The following PPT1 variants were observed in gnomAD, a reference collection of about 807,000 sequenced individuals.
PPT1 encodes the protein palmitoyl-protein thioesterase 1.
Under a neutral mutation model 44.0 loss-of-function variants are expected in PPT1, and 24 were observed. That is an observed-to-expected ratio of 0.54 (90% CI 0.39 to 0.77). The LOEUF is 0.77. Ranked by LOEUF, PPT1 falls within the 30% of genes least tolerant of loss-of-function variation. PPT1 has a pLI of 0.00. For missense variants in PPT1, 341 were observed against 378.8 expected (o/e 0.90, Z 0.83); for synonymous variants, 148 against 140.2 (o/e 1.06, Z -0.39).
In PPT1 at chr1:40,073,882, CAGA is replaced by C; in HGVS notation, c.*176_*178del. On this transcript the variant is annotated 3_prime_UTR_variant, in exon 9 of 9. Transcript: ENST00000642050. ...ACTTGCATTCAACACCATATGGTAACAGAAGATGGCAAAGGATAAGATTCAGAT... is the reference window on the plus strand; with the variant it reads ...ACTTGCATTCAACACCATATGGTAACAGATGGCAAAGGATAAGATTCAGAT... 1 of 853,658 alleles carries C rather than the reference CAGA, an allele frequency of 1.2e-6. No individual in the cohort carries two copies. Among genetic ancestry groups the C allele is most frequent in the Non-Finnish European group, 1.9e-6 (1 of 537,210 alleles). 52.9% of individuals were successfully genotyped at this position (853,658 alleles called of 1,614,324 possible). A position where few individuals can be genotyped will look rare whatever the true frequency, so the allele number is the denominator to read the frequency against.
chr1:40,075,709 A>G (rs1208162446), intron 8 of PPT1, among the ~76,000 whole-genome samples: 1 of 152,020 alleles, frequency 6.6e-6, no homozygotes, highest in Non-Finnish European at 1.5e-5. Context: ...CACACCTGTA[A>G]TCCCAGCACT....
intron 5 of PPT1, among the ~76,000 whole-genome samples, chr1:40,088,214 G>A (rs1649365559): frequency 6.6e-6 from 1 of 151,728 alleles, no homozygotes; most frequent in Non-Finnish European, 1.5e-5. Context: ...CGCAATCTCG[G>A]CTCACTGCAA....
intron 8 of PPT1, 154 bp downstream of exon 8, chr1:40,076,688 G>T: frequency 6.6e-7 from 1 of 1,512,296 alleles, no homozygotes; most frequent in Non-Finnish European, 8.9e-7. Flanking sequence ...AGCCTAACAA[G>T]CTTCACCCAT....
In PPT1 at chr1:40,092,441, C is replaced by T; in HGVS notation, c.191G>A (p.Gly64Glu). The change falls in exon 2 of 9, where the codon GGA becomes GAA. Residue 64 changes from glycine to glutamate, a missense_variant. Coordinates refer to ENST00000642050, the MANE Select transcript of PPT1 (RefSeq NM_000310.4). ...AATCTCTAAAGATAAGACGTAAATT[C>T]CAGGTATTTTCTTCTCCACCATTTT... ...IKKMVEKKIP[G>E]IYVLSLEIGK... 1.9e-6 allele frequency: 3 copies of T among 1,613,894 alleles called. No homozygotes were observed. The highest frequency in any genetic ancestry group is 1.1e-5 in the South Asian group (1 of 91,082).
At chr1:40,080,554 G>A (rs1648880166) in intron 5 of PPT1, 67 bp from the exon 6 acceptor site, 1 of 1,457,792 alleles carries the variant, frequency 6.9e-7, no homozygotes, top group African/African-American at 1.4e-5. Flanking sequence ...GGCATGCTCA[G>A]TGCAAAGGCC....
intron 5 of PPT1, among the ~76,000 whole-genome samples, chr1:40,085,881 G>T (rs1649231846): frequency 6.6e-6 from 1 of 152,178 alleles, no homozygotes; most frequent in African/African-American, 2.4e-5. Context: ...TCTGAGGTAT[G>T]CCTGTAGTTC....
At chr1:40,087,321 C>T (rs1403512499) in intron 5 of PPT1, among the ~76,000 whole-genome samples, 1 of 151,984 alleles carries the variant, frequency 6.6e-6, no homozygotes, top group Non-Finnish European at 1.5e-5. Context: ...CAGCTCACTG[C>T]AACCTCCGCC....
At chr1:40,080,989 C>A (rs1570457685) in intron 5 of PPT1, among the ~76,000 whole-genome samples, 1 of 152,326 alleles carries the variant, frequency 6.6e-6, no homozygotes, top group East Asian at 1.9e-4. Flanking sequence ...TTGAGACAGA[C>A]TGTTCAGCAT....
At chr1:40,087,912 C>T (rs1649348186) in intron 5 of PPT1, among the ~76,000 whole-genome samples, 1 of 152,128 alleles carries the variant, frequency 6.6e-6, no homozygotes, top group Non-Finnish European at 1.5e-5. Context: ...CCCAAAACAG[C>T]TTTGTGGCTA....
chr1:40,097,000 C>A, intron 1 of PPT1, 115 bp downstream of exon 1: 1 of 1,575,328 alleles, frequency 6.3e-7, no homozygotes, highest in Non-Finnish European at 8.7e-7. Context: ...AATGTCGAGG[C>A]AGCCGCGTGC....
intron 8 of PPT1, among the ~76,000 whole-genome samples, chr1:40,074,718 C>G (rs969854298): frequency 2.6e-5 from 4 of 152,034 alleles, no homozygotes; most frequent in African/African-American, 7.2e-5. Flanking sequence ...ATCCACGTGC[C>G]TCGGCCTCCC....
At chr1:40,087,685 T>C (rs1347945121) in intron 5 of PPT1, among the ~76,000 whole-genome samples, 1 of 151,284 alleles carries the variant, frequency 6.6e-6, no homozygotes, top group Non-Finnish European at 1.5e-5. Flanking sequence ...TGGGCAAGAG[T>C]GAGAATAAAG....
chr1:40,095,224 A>G (rs771433402), intron 1 of PPT1, among the ~76,000 whole-genome samples: 8 of 152,128 alleles, frequency 5.3e-5, no homozygotes, highest in Non-Finnish European at 8.8e-5. Flanking sequence ...CTTCAAGGAC[A>G]CTGCGCTTTC....
chr1:40,091,423 G>C, intron 3 of PPT1, 24 bp from the exon 4 acceptor site: 1 of 1,581,964 alleles, frequency 6.3e-7, no homozygotes, highest in Non-Finnish European at 8.7e-7. Context: ...GGGAGTTTTA[G>C]CTCCGACTGT....
Position 40,089,490 on chromosome 1 carries a change from G to A in PPT1, c.456C>T (p.Cys152=), listed in dbSNP as rs386833648. 1 of 1,614,024 alleles carries A rather than the reference G, an allele frequency of 6.2e-7. No individual in the cohort carries two copies. The highest frequency in any genetic ancestry group is 1.7e-5 in the Admixed American group (1 of 60,020). The part of the protein sequence containing the change: ...QHQGVFGLPR[C]PGESSHICDF... The stretch of plus-strand genomic sequence containing the variant: ...CACAGATGTGAGAGCTCTCTCCTGG[G>A]CATCGAGGGAGTCCAAAAACACCTA... The change falls in exon 5 of 9, where the codon TGC becomes TGT. Residue 152 remains cysteine (C), a synonymous_variant. Transcript: ENST00000642050.
intron 1 of PPT1, 138 bp downstream of exon 1, chr1:40,096,977 C>T: frequency 6.8e-7 from 1 of 1,473,992 alleles, no homozygotes. Context: ...AATGCAGATC[C>T]TTCAAATCCT....
At chr1:40,076,960 A>G in intron 7 of PPT1, 47 bp from the exon 8 acceptor site, 2 of 1,601,706 alleles carry the variant, frequency 1.2e-6, no homozygotes, top group Non-Finnish European at 1.7e-6. Flanking sequence ...CACACAGCAC[A>G]TACTGCCAAA....
At chr1:40,084,710 T>C (rs1023378693) in intron 5 of PPT1, among the ~76,000 whole-genome samples, 6 of 152,264 alleles carry the variant, frequency 3.9e-5, no homozygotes, top group Non-Finnish European at 7.3e-5. Context: ...CCATTCATCA[T>C]TAGTTTGTAG....
intron 1 of PPT1, among the ~76,000 whole-genome samples, chr1:40,095,650 T>C (rs575329950): frequency 4.6e-5 from 7 of 152,286 alleles, no homozygotes; most frequent in Admixed American, 3.9e-4. Context: ...CTTTCTCTCT[T>C]ATTCCAAGTC....
Sources: allele counts gnomAD v4.1 joint callset (sites outside exome capture counted in the v4.1 genomes callset), GRCh38; gene constraint gnomAD v4.1.1; transcripts MANE v1.5; gene names NCBI Gene and HGNC (gene_info 2026-07-23, HGNC 2026-07-21).